Variants in CAVIN4 observed in about 807,000 individuals in gnomAD.
The protein encoded by CAVIN4 is caveolae associated protein 4.
In CAVIN4, 10 loss-of-function variants were observed where a neutral mutation model predicts 18.6. The ratio of observed to expected loss-of-function variants is 0.54; its 90% CI spans 0.33 to 0.91. The LOEUF (loss-of-function observed/expected upper bound fraction) is 0.91. CAVIN4 is among the 40% of genes least tolerant of loss of function. The pLI, the probability that CAVIN4 is intolerant of heterozygous loss-of-function variation, is 0.02. For synonymous variants in CAVIN4, 173 were observed against 164.8 expected (o/e 1.05, Z -0.38); for missense variants, 459 against 440.5 (o/e 1.04, Z -0.38).
chr9:100,580,092 A>C (rs1839412568), intron 1 of CAVIN4, among the ~76,000 whole-genome samples: 1 of 151,458 alleles, frequency 6.6e-6, no homozygotes, highest in Non-Finnish European at 1.5e-5. Context: ...AATTTGGGAA[A>C]AAAAAAAAAA....
intron 1 of CAVIN4, among the ~76,000 whole-genome samples, chr9:100,583,923 G>A (rs552532717): frequency 6.6e-6 from 1 of 152,214 alleles, no homozygotes; most frequent in Non-Finnish European, 1.5e-5. Flanking sequence ...GGGATTACAG[G>A]TGTGAGCCAC....
upstream of CAVIN4, chr9:100,577,459 A>G (rs909656509): frequency 3.9e-5 from 6 of 152,624 alleles, no homozygotes; most frequent in Non-Finnish European, 5.9e-5. Flanking sequence ...GTAATAGATT[A>G]ATATTCATAG....
chr9:100,585,877 A>T lies in CAVIN4; in HGVS notation c.521A>T (p.Asp174Val). 1.2e-6 allele frequency: 2 copies of T among 1,614,094 alleles called. No individual in the cohort carries two copies. Among genetic ancestry groups the T allele is most frequent in the African/African-American group, 1.3e-5 (1 of 75,048 alleles). ...GATCCCCCAGTAGATCTGTCTTCGG[A>T]TGAAGAATATTATGTTGAAGAAAGC... ...IFDPPVDLSSDEEYYVEESRS... is the reference protein window; with the variant it reads ...IFDPPVDLSSVEEYYVEESRS... The change falls in exon 2 of 2, where the codon GAT becomes GTT. Residue 174 changes from aspartate to valine, a missense_variant. Physicochemically the swap from Asp to Val is radical, Grantham distance 152. Transcript: ENST00000307584.
intron 1 of CAVIN4, among the ~76,000 whole-genome samples, chr9:100,584,096 C>T (rs1217736976): frequency 6.6e-6 from 1 of 152,274 alleles, no homozygotes; most frequent in Admixed American, 6.5e-5. Flanking sequence ...ACGGCCCTCC[C>T]CACTGTTTCT....
In CAVIN4 at chr9:100,586,037, C is replaced by G. The variant is rs761072559; in HGVS notation, c.681C>G (p.Thr227=). The G allele has an allele frequency of 8.7e-6, 14 of 1,613,962 alleles. No homozygotes were observed. Among genetic ancestry groups the G allele is most frequent in the Non-Finnish European group, 1.2e-5 (14 of 1,179,992 alleles). The stretch of plus-strand genomic sequence containing the variant: ...ACAGAATTAGAACTAGAATAGTGAC[C>G]CCGGAGAGGAGAGAGAGGCTAAGGC... ...KVNRIRTRIV[T]PERRERLRQS... is the part of the protein sequence containing the mutation. Residue 227 remains threonine (T), a synonymous_variant, in exon 2 of 2, where the codon ACC becomes ACG. Coordinates refer to ENST00000307584, the MANE Select transcript of CAVIN4 (RefSeq NM_001018116.2).
rs961937171 is a variant in CAVIN4, at chr9:100,586,688, C to T, written c.*237C>T. The stretch of plus-strand genomic sequence containing the variant: ...ATAGTTTCCTAGGTTGGGCCAGTTA[C>T]GTGTTTGGTAAGGGCAACTTTGCGG... On this transcript the variant is annotated 3_prime_UTR_variant, in exon 2 of 2. Coordinates refer to ENST00000307584, the MANE Select transcript of CAVIN4 (RefSeq NM_001018116.2). 26 of 340,178 alleles carry T rather than the reference C, an allele frequency of 7.6e-5. No individual in the cohort carries two copies. The East Asian group carries it at 9.8e-4, about 13-fold the overall frequency. The allele number at this position is 340,178 out of a possible 1,614,324, so 21.1% of individuals were successfully genotyped here.
rs751703046 is a variant in CAVIN4, at chr9:100,586,276, G to C, written c.920G>C (p.Ser307Thr). The C allele has an allele frequency of 7.9e-5, 127 of 1,597,514 alleles. 2 individuals are homozygous for C. In the Middle Eastern group the frequency reaches 1.3e-3, roughly 17 times the overall value. Residue 307 changes from serine to threonine, a missense_variant, in exon 2 of 2, where the codon AGT (serine) becomes ACT (threonine). Physicochemically the swap from Ser to Thr is moderately conservative, Grantham distance 58 (BLOSUM62 1). Transcript: ENST00000307584. ...IARSESLGPI[S>T]ELYSDELSEP... ...AGGAGCGAGTCTCTGGGCCCCATCA[G>C]TGAGCTCTACTCTGATGAGCTCAGT...
At chr9:100,584,162 T>A (rs1357183641) in intron 1 of CAVIN4, among the ~76,000 whole-genome samples, 1 of 152,248 alleles carries the variant, frequency 6.6e-6, no homozygotes, top group East Asian at 1.9e-4. Flanking sequence ...TGTCACCGTA[T>A]GAATGAGGCC....
Position 100,587,439 on chromosome 9 carries a change from T to C in CAVIN4, c.*988T>C, listed in dbSNP as rs900450812. ...TTGGGTTTGGAAATGACCACAAATATTCCTGTTTTCCTGAGTGTACCCTTC... is the reference window on the plus strand; with the variant it reads ...TTGGGTTTGGAAATGACCACAAATACTCCTGTTTTCCTGAGTGTACCCTTC... On this transcript the variant is annotated 3_prime_UTR_variant, in exon 2 of 2. Coordinates refer to ENST00000307584, the MANE Select transcript of CAVIN4 (RefSeq NM_001018116.2). The C allele has an allele frequency of 4.6e-5, 7 of 152,196 alleles. No homozygotes were observed. The highest frequency in any genetic ancestry group is 1.2e-4 in the African/African-American group (5 of 41,446). The allele number at this position is 152,196 out of a possible 1,614,324, so 9.4% of individuals were successfully genotyped here.
Position 100,586,691 on chromosome 9 carries a change from G to A in CAVIN4, c.*240G>A, listed in dbSNP as rs950644302. 1.5e-5 allele frequency: 5 copies of A among 336,740 alleles called. No homozygotes were observed. The highest frequency in any genetic ancestry group is 4.3e-5 in the African/African-American group (2 of 46,724). 20.9% of individuals were successfully genotyped at this position (336,740 alleles called of 1,614,324 possible). A position where few individuals can be genotyped will look rare whatever the true frequency, so the allele number is the denominator to read the frequency against. ...GTTTCCTAGGTTGGGCCAGTTACGT[G>A]TTTGGTAAGGGCAACTTTGCGGCCG... On this transcript the variant is annotated 3_prime_UTR_variant, in exon 2 of 2. Transcript: ENST00000307584.
rs781317175 is a variant in CAVIN4, at chr9:100,586,289, T to C, written c.933T>C (p.Ser311=). ...TGGGCCCCATCAGTGAGCTCTACTC[T>C]GATGAGCTCAGTGAACCAGAACACG... is the stretch of plus-strand genomic sequence containing the variant. The part of the protein sequence containing the change: ...ESLGPISELY[S]DELSEPEHEA... Residue 311 remains serine, a synonymous_variant, in exon 2 of 2, where the codon TCT becomes TCC. Transcript: ENST00000307584. The C allele has an allele frequency of 7.4e-6, 12 of 1,612,008 alleles. No individual in the cohort carries two copies. Among genetic ancestry groups the C allele is most frequent in the Non-Finnish European group, 8.5e-6 (10 of 1,178,786 alleles).
chr9:100,583,739 C>T (rs1256572588), intron 1 of CAVIN4, among the ~76,000 whole-genome samples: 3 of 151,620 alleles, frequency 2.0e-5, no homozygotes, highest in Non-Finnish European at 4.4e-5. Context: ...CTCCGCCTCC[C>T]GGGTTCAAGT....
chr9:100,577,271 A>G (rs1236908501), upstream of CAVIN4: 2 of 152,650 alleles, frequency 1.3e-5, no homozygotes, highest in East Asian at 3.8e-4. Flanking sequence ...AATAAAGCCT[A>G]TTCTACCAGT....
At chr9:100,578,640 A>T in intron 1 of CAVIN4, 89 bp downstream of exon 1, 1 of 1,235,874 alleles carries the variant, frequency 8.1e-7, no homozygotes, top group Non-Finnish European at 1.2e-6. Context: ...CCAGTGTCAC[A>T]TCTTAACTAT....
rs754679919 is a variant in CAVIN4, at chr9:100,586,152, A to G, written c.796A>G (p.Lys266Glu). Residue 266 changes from lysine to glutamate, a missense_variant, in exon 2 of 2, where the codon AAG (lysine) becomes GAG (glutamate). Lys to Glu is a moderately conservative substitution (Grantham distance 56). Transcript: ENST00000307584. ...KKSISNAAPS[K>E]EAFKMRSLRK... Reference sequence around the variant, plus strand: ...ATCTATTTCTAATGCAGCTCCCTCAAAGGAAGCTTTTAAGATGCGCAGCCT... The same window carrying G: ...ATCTATTTCTAATGCAGCTCCCTCAGAGGAAGCTTTTAAGATGCGCAGCCT... The G allele has an allele frequency of 6.4e-7, 1 of 1,571,726 alleles. No homozygotes were observed. Among genetic ancestry groups the G allele is most frequent in the Non-Finnish European group, 8.6e-7 (1 of 1,161,648 alleles).
At chr9:100,577,426 C>T (rs191917662), upstream of CAVIN4, 7 of 152,572 alleles carry the variant, frequency 4.6e-5, no homozygotes, top group East Asian at 7.7e-4. Flanking sequence ...TTATCCAAGA[C>T]GTATATCCAA....
intron 1 of CAVIN4, among the ~76,000 whole-genome samples, chr9:100,580,188 T>G (rs1024847554): frequency 6.6e-6 from 1 of 151,966 alleles, no homozygotes. Context: ...TCCCTGCTAC[T>G]TAGGAGGCTG....
At position 100,586,648 on chromosome 9, in the gene CAVIN4, T is replaced by A; in HGVS notation, c.*197T>A. On this transcript the variant is annotated 3_prime_UTR_variant, in exon 2 of 2. Coordinates refer to ENST00000307584, the MANE Select transcript of CAVIN4 (RefSeq NM_001018116.2). The stretch of plus-strand genomic sequence containing the variant: ...CTGTGGATTTTTTAGTTCCTTTCTC[T>A]TGTCCACCAGAAAAATAGTTTCCTA... 2.3e-6 allele frequency: 1 copy of A among 432,386 alleles called. No individual in the cohort carries two copies. Among genetic ancestry groups the A allele is most frequent in the East Asian group, 4.0e-5 (1 of 25,172 alleles). The allele number at this position is 432,386 out of a possible 1,614,324, so 26.8% of individuals were successfully genotyped here. A position where few individuals can be genotyped will look rare whatever the true frequency, so the allele number is the denominator to read the frequency against.
intron 1 of CAVIN4, 113 bp from the exon 2 acceptor site, chr9:100,585,652 G>A: frequency 1.2e-6 from 1 of 811,102 alleles, no homozygotes; most frequent in East Asian, 2.6e-5. Flanking sequence ...CATTTAAGGA[G>A]CAGGCAGAGG....
Sources: allele counts gnomAD v4.1 joint callset (sites outside exome capture counted in the v4.1 genomes callset), GRCh38; gene constraint gnomAD v4.1.1; transcripts MANE v1.5; gene names NCBI Gene and HGNC (gene_info 2026-07-23, HGNC 2026-07-21).